Variants in PLXDC2 observed in about 807,000 individuals in gnomAD.
The protein encoded by PLXDC2 is plexin domain containing 2, also known as plexin domain-containing protein 2.
A neutral mutation model predicts 68.9 loss-of-function variants in PLXDC2; 40 were observed. That is an observed-to-expected ratio of 0.58 (90% confidence interval 0.45 to 0.76). PLXDC2 has a LOEUF of 0.76. PLXDC2 is among the 30% of genes least tolerant of loss of function. The pLI is 0.00. For missense variants in PLXDC2, 644 were observed against 661.9 expected, an observed-to-expected ratio of 0.97 and a Z score of 0.30; for synonymous variants, 243 against 234.2, an observed-to-expected ratio of 1.04 and a Z score of -0.34.
At chr10:20,119,515 C>A (rs1217744457) in intron 4 of PLXDC2, among the ~76,000 whole-genome samples, 1 of 147,450 alleles carries the variant, frequency 6.8e-6, no homozygotes, top group African/African-American at 2.4e-5. Flanking sequence ...GGTGGAATGT[C>A]ATCAGTTAAC....
chr10:20,218,997 T>G, intron 11 of PLXDC2, 67 bp from the exon 12 acceptor site: 1 of 1,547,532 alleles, frequency 6.5e-7, no homozygotes, highest in Non-Finnish European at 8.8e-7. Flanking sequence ...CAATTACTAG[T>G]CATAAGATTT....
intron 1 of PLXDC2, among the ~76,000 whole-genome samples, chr10:19,932,916 G>A (rs548086042): frequency 2.6e-5 from 4 of 152,256 alleles, no homozygotes; most frequent in South Asian, 4.1e-4. Context: ...AACAGGGGAC[G>A]GGATTTGGCA....
chr10:20,194,729 G>C (rs1236540943), intron 9 of PLXDC2, among the ~76,000 whole-genome samples: 1 of 151,502 alleles, frequency 6.6e-6, no homozygotes, highest in Non-Finnish European at 1.5e-5. Flanking sequence ...TTGGTGTGCT[G>C]CACCCATTTA....
At chr10:20,081,324 A>C (rs1836553439) in intron 4 of PLXDC2, among the ~76,000 whole-genome samples, 1 of 152,200 alleles carries the variant, frequency 6.6e-6, no homozygotes, top group Non-Finnish European at 1.5e-5. Context: ...ATTCCACTAG[A>C]GACACCCTTA....
chr10:19,887,199 C>G (rs11011657), intron 1 of PLXDC2, among the ~76,000 whole-genome samples: 2 of 152,224 alleles, frequency 1.3e-5, no homozygotes, highest in East Asian at 3.9e-4. Flanking sequence ...TTCATTAAAA[C>G]ATAATAGTAG....
At chr10:19,927,427 C>T (rs149470506) in intron 1 of PLXDC2, among the ~76,000 whole-genome samples, 1,608 of 152,044 alleles carry the variant, frequency 0.011, 26 homozygotes, top group African/African-American at 0.036. Context: ...ATTGGCTGGG[C>T]GCGGTGGCTC....
intron 1 of PLXDC2, among the ~76,000 whole-genome samples, chr10:19,982,196 G>A (rs1300388230): frequency 6.6e-6 from 1 of 152,174 alleles, no homozygotes; most frequent in Non-Finnish European, 1.5e-5. Flanking sequence ...CAATGAAGGA[G>A]TCATTTGAAA....
intron 4 of PLXDC2, among the ~76,000 whole-genome samples, chr10:20,107,861 CA>C (rs1202506395): frequency 1.3e-5 from 2 of 151,798 alleles, no homozygotes; most frequent in African/African-American, 2.4e-5. Flanking sequence ...ACAATTTTAC[CA>C]ATAAATACAA....
intron 1 of PLXDC2, among the ~76,000 whole-genome samples, chr10:19,845,713 C>G (rs1836995539): frequency 6.6e-6 from 1 of 152,232 alleles, no homozygotes; most frequent in African/African-American, 2.4e-5. Context: ...AGAGAAGCAG[C>G]TCAGGGCAGT....
intron 1 of PLXDC2, among the ~76,000 whole-genome samples, chr10:20,000,499 A>C (rs535729211): frequency 1.3e-5 from 2 of 152,184 alleles, no homozygotes; most frequent in African/African-American, 4.8e-5. Flanking sequence ...TACTCTATGC[A>C]TCATAATATC....
chr10:20,089,270 A>G lies in PLXDC2; in HGVS notation c.541+21031A>G, dbSNP rs117491946. ...GCTTTGCAAGCTCAAACATAAAATCAATTTCCAATGTATGAGTCATGAATG... is the reference window on the plus strand; with the variant it reads ...GCTTTGCAAGCTCAAACATAAAATCGATTTCCAATGTATGAGTCATGAATG... On this transcript the variant is annotated intron_variant, in intron 4 of 13. Transcript: ENST00000377252. 9.9e-3 allele frequency among the ~76,000 whole-genome samples: 1,508 copies of G among 151,956 alleles called. 4 individuals carry two copies. Among genetic ancestry groups the G allele is most frequent in the Non-Finnish European group, 0.017 (1,133 of 67,978 alleles).
chr10:20,055,989 A>T (rs1457467900), intron 3 of PLXDC2, among the ~76,000 whole-genome samples: 1 of 152,130 alleles, frequency 6.6e-6, no homozygotes, highest in Admixed American at 6.6e-5. Flanking sequence ...TGTTTAAAAA[A>T]TAGTAGGGAT....
At chr10:20,002,136 A>T in intron 2 of PLXDC2, 150 bp downstream of exon 2, 1 of 791,536 alleles carries the variant, frequency 1.3e-6, no homozygotes, top group Non-Finnish European at 2.0e-6. Context: ...AATAAATATA[A>T]TAACTAAGCC....
intron 1 of PLXDC2, among the ~76,000 whole-genome samples, chr10:19,886,927 C>G (rs2131356202): frequency 6.6e-6 from 1 of 152,286 alleles, no homozygotes; most frequent in South Asian, 2.1e-4. Flanking sequence ...TTATGCTATC[C>G]TAAGTCATAT....
intron 1 of PLXDC2, among the ~76,000 whole-genome samples, chr10:19,892,605 A>G (rs527488601): frequency 3.2e-4 from 49 of 152,322 alleles, no homozygotes; most frequent in African/African-American, 1.1e-3. Context: ...GATAGTTCCT[A>G]TGAGTTCATA....
chr10:19,926,738 T>A (rs1025174258), intron 1 of PLXDC2, among the ~76,000 whole-genome samples: 1 of 152,192 alleles, frequency 6.6e-6, no homozygotes, highest in African/African-American at 2.4e-5. Flanking sequence ...AAGACTTCAC[T>A]GTGAAATGAG....
At chr10:20,045,763 A>G (rs904731032) in intron 2 of PLXDC2, among the ~76,000 whole-genome samples, 3 of 152,142 alleles carry the variant, frequency 2.0e-5, no homozygotes, top group African/African-American at 7.2e-5. Flanking sequence ...TATTATTCAA[A>G]TCATAGACCT....
Position 20,280,618 on chromosome 10 carries a change from G to C in PLXDC2, c.*799G>C, listed in dbSNP as rs767888550. On this transcript the variant is annotated 3_prime_UTR_variant, in exon 14 of 14. Coordinates refer to ENST00000377252, the MANE Select transcript of PLXDC2 (RefSeq NM_032812.9). ...AACATCTGATTTATGCTTTATGGAA[G>C]CCTTACCTCCAATCCCCAACTGTTA... 1 of 152,024 alleles carries C rather than the reference G, an allele frequency of 6.6e-6. No individual in the cohort carries two copies. Among genetic ancestry groups the C allele is most frequent in the Non-Finnish European group, 1.5e-5 (1 of 68,012 alleles). 9.4% of individuals were successfully genotyped at this position (152,024 alleles called of 1,614,324 possible).
chr10:20,022,662 C>T (rs1353265882), intron 2 of PLXDC2, among the ~76,000 whole-genome samples: 1 of 152,124 alleles, frequency 6.6e-6, no homozygotes, highest in Non-Finnish European at 1.5e-5. Flanking sequence ...CAGTATGGGT[C>T]CTTTTGCTTG....
Sources: allele counts gnomAD v4.1 joint callset (sites outside exome capture counted in the v4.1 genomes callset), GRCh38; gene constraint gnomAD v4.1.1; transcripts MANE v1.5; gene names NCBI Gene and HGNC (gene_info 2026-07-23, HGNC 2026-07-21).